The following C10orf90 variants were observed in gnomAD, a reference collection of about 807,000 sequenced individuals.
C10orf90 encodes chromosome 10 open reading frame 90.
A neutral mutation model predicts 62.5 loss-of-function variants in C10orf90; 56 were observed. That is an observed-to-expected ratio of 0.90 (90% CI 0.72 to 1.12). The LOEUF (loss-of-function observed/expected upper bound fraction) is 1.12, where lower values mean the gene tolerates loss of function less well. Among genes scored for constraint, C10orf90 ranks in the 50% most tolerant of loss-of-function variants. The probability of loss-of-function intolerance (pLI) is 0.00; values close to 1 mark genes in which losing one functional copy is unlikely to be tolerated. For synonymous variants in C10orf90, 386 were observed against 340.4 expected (o/e 1.13, Z -1.47); for missense variants, 970 against 880.4 (o/e 1.10, Z -1.29).
intron 5 of C10orf90, chr10:126,463,236 C>T (rs1860100760): frequency 6.6e-6 from 1 of 152,562 alleles, no homozygotes; most frequent in Admixed American, 6.5e-5. Context: ...AACCCTAACA[C>T]TCCCACCTCT....
intron 2 of C10orf90, among the ~76,000 whole-genome samples, chr10:126,611,486 CAT>C (rs1171052915): frequency 6.6e-6 from 1 of 152,168 alleles, no homozygotes; most frequent in Non-Finnish European, 1.5e-5. Flanking sequence ...TTTATGTGAA[CAT>C]ATGTTTTTGT....
intron 2 of C10orf90, among the ~76,000 whole-genome samples, chr10:126,562,735 A>C (rs966795738): frequency 6.6e-6 from 1 of 152,114 alleles, no homozygotes; most frequent in African/African-American, 2.4e-5. Flanking sequence ...CCTATAACCC[A>C]CCTGACAGTC....
At position 126,521,364 on chromosome 10, in the gene C10orf90, CT is replaced by C. The variant is rs758973057; in HGVS notation, c.314-7426del. The C allele has an allele frequency of 6.8e-6, 11 of 1,613,288 alleles. No individual in the cohort carries two copies. In the Admixed American group the frequency reaches 8.3e-5, roughly 12 times the overall value. On this transcript the variant is annotated intron_variant, in intron 2 of 9. Coordinates refer to ENST00000488181, the MANE Select transcript of C10orf90 (RefSeq NM_001350921.2). ...AGCCATTTTACTCAGTTTCAAAGGT[CT>C]TTTAATGACAAGGATGTATTTGGCG...
At chr10:126,664,987 A>G (rs1020214034) in intron 1 of C10orf90, among the ~76,000 whole-genome samples, 1 of 152,174 alleles carries the variant, frequency 6.6e-6, no homozygotes, top group Non-Finnish European at 1.5e-5. Context: ...TCATGTCTGC[A>G]TTTGAATGGA....
chr10:126,579,173 G>A (rs1233559088), intron 2 of C10orf90, among the ~76,000 whole-genome samples: 2 of 151,930 alleles, frequency 1.3e-5, no homozygotes, highest in Non-Finnish European at 2.9e-5. Context: ...ACAGAAGCAG[G>A]GGCCACCAGG....
intron 7 of C10orf90, among the ~76,000 whole-genome samples, chr10:126,435,202 G>A (rs749886213): frequency 2.6e-5 from 4 of 152,210 alleles, no homozygotes; most frequent in African/African-American, 7.2e-5. Context: ...AGACACATGA[G>A]AGAGTTGCTG....
intron 7 of C10orf90, among the ~76,000 whole-genome samples, chr10:126,439,838 C>T (rs1858187024): frequency 6.6e-6 from 1 of 152,064 alleles, no homozygotes; most frequent in Non-Finnish European, 1.5e-5. Context: ...CTCACTTTTG[C>T]ATTACAGAAG....
chr10:126,578,427 A>G (rs11245051), intron 2 of C10orf90, among the ~76,000 whole-genome samples: 3 of 151,924 alleles, frequency 2.0e-5, no homozygotes, highest in Non-Finnish European at 4.4e-5. Context: ...TAAAACCACT[A>G]TCAGAAACCA....
intron 2 of C10orf90, among the ~76,000 whole-genome samples, chr10:126,629,710 T>C (rs926204841): frequency 2.0e-5 from 3 of 152,244 alleles, no homozygotes; most frequent in African/African-American, 7.2e-5. Flanking sequence ...TTATAAATAA[T>C]ATGGCCATGA....
intron 7 of C10orf90, among the ~76,000 whole-genome samples, chr10:126,435,547 A>G (rs1476086041): frequency 6.6e-6 from 1 of 152,198 alleles, no homozygotes; most frequent in Non-Finnish European, 1.5e-5. Context: ...GAACACTGGC[A>G]GCCACAAGCC....
At chr10:126,486,451 G>A (rs1321675647) in intron 4 of C10orf90, among the ~76,000 whole-genome samples, 1 of 152,102 alleles carries the variant, frequency 6.6e-6, no homozygotes, top group Non-Finnish European at 1.5e-5. Context: ...AACAACTTAA[G>A]CAAAAGTCAG....
At chr10:126,474,897 C>T (rs1469201429) in intron 4 of C10orf90, among the ~76,000 whole-genome samples, 2 of 152,274 alleles carry the variant, frequency 1.3e-5, no homozygotes, top group African/African-American at 2.4e-5. Context: ...TTGCTTTGTC[C>T]TCTGTCAGCA....
In C10orf90 at chr10:126,496,590, C is replaced by T. The variant is rs78648687; in HGVS notation, c.1534+7367G>A. 9.1e-3 allele frequency: 8,012 copies of T among 884,530 alleles called. 278 individuals are homozygous for T. The African/African-American group carries it at 0.097, about 11-fold the overall frequency. The allele number at this position is 884,530 out of a possible 1,614,324, so 54.8% of individuals were successfully genotyped here. A position where few individuals can be genotyped will look rare whatever the true frequency, so the allele number is the denominator to read the frequency against. The stretch of plus-strand genomic sequence containing the variant: ...AAACAATATTTTGAGACATTTCCCC[C>T]GCCACCCTCCACTTCAATTTTAAAC... On this transcript the variant is annotated intron_variant, in intron 4 of 9. Transcript: ENST00000488181.
At chr10:126,468,802 T>C (rs770294798) in intron 4 of C10orf90, among the ~76,000 whole-genome samples, 53 of 152,272 alleles carry the variant, frequency 3.5e-4, no homozygotes, top group Non-Finnish European at 8.8e-5. Flanking sequence ...GCATCTGGGC[T>C]AGGTGGGGAC....
rs557558994 is a variant in C10orf90 at position 126,440,238 on chromosome 10, G to A, written c.2189-10388C>T. 2.0e-5 allele frequency among the ~76,000 whole-genome samples: 3 copies of A among 152,274 alleles called. No homozygotes were observed. The East Asian group carries it at 5.8e-4, about 29-fold the overall frequency. Reference sequence around the variant, plus strand: ...GTGCAACCAGCCCTTTGGATTGCGTGGGAGCTGGGTGAGGCCTGTGACTGC... The same window carrying A: ...GTGCAACCAGCCCTTTGGATTGCGTAGGAGCTGGGTGAGGCCTGTGACTGC... On this transcript the variant is annotated intron_variant, in intron 7 of 9. Transcript: ENST00000488181.
intron 2 of C10orf90, among the ~76,000 whole-genome samples, chr10:126,600,258 G>A (rs977126497): frequency 6.6e-6 from 1 of 152,196 alleles, no homozygotes; most frequent in African/African-American, 2.4e-5. Context: ...TCAGCTCACC[G>A]GCGTTGGCAT....
intron 4 of C10orf90, among the ~76,000 whole-genome samples, chr10:126,470,835 A>T (rs1360456261): frequency 6.6e-6 from 1 of 152,026 alleles, no homozygotes; most frequent in African/African-American, 2.4e-5. Flanking sequence ...GAACAAGCCT[A>T]TTAGATGGAC....
chr10:126,532,753 C>T (rs1864128957), intron 2 of C10orf90, among the ~76,000 whole-genome samples: 1 of 141,102 alleles, frequency 7.1e-6, no homozygotes, highest in African/African-American at 2.7e-5. Context: ...AGGAGAATGG[C>T]GTGAACCCGG....
chr10:126,600,396 T>C (rs1220845632), intron 2 of C10orf90, among the ~76,000 whole-genome samples: 5 of 152,196 alleles, frequency 3.3e-5, no homozygotes, highest in Non-Finnish European at 7.3e-5. Context: ...AGCCCTGTTG[T>C]GTGCAGAAAC....
Sources: gnomAD v4.1 joint callset for allele counts (sites outside exome capture counted in the v4.1 genomes callset) on GRCh38, gnomAD v4.1.1 for gene constraint, MANE v1.5 for transcripts, NCBI Gene and HGNC (gene_info 2026-07-23, HGNC 2026-07-21) for gene names.